The following BLK variants were observed in gnomAD, a reference collection of about 807,000 sequenced individuals.
BLK encodes the protein tyrosine-protein kinase Blk.
BLK carries 64 observed loss-of-function variants against 61.8 expected under a neutral mutation model. The observed-to-expected ratio is 1.03, with a 90% confidence interval of 0.85 to 1.27. BLK has a LOEUF of 1.27. Among genes scored for constraint, BLK ranks in the 50% most tolerant of loss-of-function variants. BLK has a pLI of 0.00. For synonymous variants in BLK, 351 were observed against 272.0 expected (o/e 1.29, Z -2.86); for missense variants, 853 against 660.5 (o/e 1.29, Z -3.19).
intron 6 of BLK, chr8:11,553,288 T>C (rs7812322): frequency 0.01 from 3,531 of 340,672 alleles, 49 homozygotes; most frequent in South Asian, 0.024. Flanking sequence ...GTTTCACAGC[T>C]CAAAGGCAGG....
At chr8:11,561,257 G>C in intron 10 of BLK, 45 bp from the exon 11 acceptor site, 2 of 1,596,608 alleles carry the variant, frequency 1.3e-6, no homozygotes, top group Non-Finnish European at 1.7e-6. Context: ...CGGTCTTGGC[G>C]TGGAGGCCCC....
rs114875483 is a variant in BLK, at chr8:11,513,337, G to T, written c.-2+18746G>T. 4.8e-3 allele frequency among the ~76,000 whole-genome samples: 734 copies of T among 152,318 alleles called. 3 individuals are homozygous for T. The highest frequency in any genetic ancestry group is 0.016 in the African/African-American group (659 of 41,560). On this transcript the variant is annotated intron_variant, in intron 1 of 12. Coordinates refer to ENST00000259089, the MANE Select transcript of BLK (RefSeq NM_001715.3). ...GCAATGAAGACCTTGGTGATTCGTG[G>T]ACCATAGTGGAGACTGAGAGGGAGT... is the stretch of plus-strand genomic sequence containing the variant.
intron 1 of BLK, among the ~76,000 whole-genome samples, chr8:11,518,007 T>G (rs562185906): frequency 2.0e-5 from 3 of 152,246 alleles, no homozygotes; most frequent in Non-Finnish European, 4.4e-5. Flanking sequence ...GGCTTTGCTT[T>G]GACCTCACTG....
chr8:11,535,919 G>A (rs2117404198), intron 1 of BLK, among the ~76,000 whole-genome samples: 1 of 152,296 alleles, frequency 6.6e-6, no homozygotes, highest in South Asian at 2.1e-4. Context: ...ACATTCTATA[G>A]GACTGGCCTT....
chr8:11,551,499 A>G (rs191134211), intron 6 of BLK, among the ~76,000 whole-genome samples: 1 of 152,314 alleles, frequency 6.6e-6, no homozygotes, highest in African/African-American at 2.4e-5. Context: ...CTCCACATAT[A>G]GCCACATTCT....
At chr8:11,506,750 C>G (rs1181559935) in intron 1 of BLK, among the ~76,000 whole-genome samples, 2 of 152,164 alleles carry the variant, frequency 1.3e-5, no homozygotes, top group Non-Finnish European at 2.9e-5. Flanking sequence ...ATGTCAGCCT[C>G]TGACCCTGGC....
At chr8:11,540,329 G>A (rs140795865) in intron 1 of BLK, among the ~76,000 whole-genome samples, 196 of 151,844 alleles carry the variant, frequency 1.3e-3, no homozygotes, top group African/African-American at 4.1e-3. Context: ...TTTCACATAC[G>A]CGATTCCTGT....
intron 1 of BLK, among the ~76,000 whole-genome samples, chr8:11,541,787 C>T (rs1800392021): frequency 1.3e-5 from 2 of 152,094 alleles, no homozygotes; most frequent in Admixed American, 6.5e-5. Flanking sequence ...TGTGAGCCAC[C>T]GTGCCCAGCC....
In BLK at chr8:11,548,079, C is replaced by A. The variant is rs149393791; in HGVS notation, c.223C>A (p.Arg75=). ...ALYDYTAMND[R]DLQMLKGEKL... ...GTATGACTACACCGCTATGAATGATCGGGACCTGCAGATGCTGAAGGGGGA... is the reference window on the plus strand; with the variant it reads ...GTATGACTACACCGCTATGAATGATAGGGACCTGCAGATGCTGAAGGGGGA... The change falls in exon 4 of 13, where the codon CGG becomes AGG. Residue 75 remains arginine, a synonymous_variant. Coordinates refer to ENST00000259089, the MANE Select transcript of BLK (RefSeq NM_001715.3). The A allele has an allele frequency of 6.2e-7, 1 of 1,613,960 alleles. No homozygotes were observed. The highest frequency in any genetic ancestry group is 8.5e-7 in the Non-Finnish European group (1 of 1,180,004).
At chr8:11,534,420 C>T (rs958314736) in intron 1 of BLK, among the ~76,000 whole-genome samples, 1 of 152,030 alleles carries the variant, frequency 6.6e-6, no homozygotes, top group South Asian at 2.1e-4. Flanking sequence ...AAAAAATTCA[C>T]TCACATAAAG....
chr8:11,539,560 G>T (rs921251436), intron 1 of BLK, among the ~76,000 whole-genome samples: 6 of 152,294 alleles, frequency 3.9e-5, no homozygotes, highest in South Asian at 2.1e-4. Context: ...GAGTGGGACT[G>T]AAAATCAAAA....
chr8:11,561,633 C>T (rs1652390720), intron 11 of BLK, among the ~76,000 whole-genome samples, 181 bp downstream of exon 11: 2 of 152,098 alleles, frequency 1.3e-5, no homozygotes, highest in Non-Finnish European at 2.9e-5. Flanking sequence ...AATGGTAGTG[C>T]CCTGAGACCT....
chr8:11,518,987 A>C (rs949854361), intron 1 of BLK, among the ~76,000 whole-genome samples: 4 of 152,032 alleles, frequency 2.6e-5, no homozygotes, highest in Non-Finnish European at 5.9e-5. Context: ...CTGTGCGATG[A>C]TTCTGTCCCG....
chr8:11,538,372 C>T (rs1488960432), intron 1 of BLK, among the ~76,000 whole-genome samples: 1 of 152,212 alleles, frequency 6.6e-6, no homozygotes, highest in East Asian at 1.9e-4. Context: ...TGTCCCATGG[C>T]CTCTTGAGGA....
chr8:11,496,328 C>G (rs1460109291), intron 1 of BLK, among the ~76,000 whole-genome samples: 1 of 152,172 alleles, frequency 6.6e-6, no homozygotes, highest in Non-Finnish European at 1.5e-5. Flanking sequence ...CAGCACTGAC[C>G]TCCTGGGCTC....
In BLK at chr8:11,554,909, G is replaced by A; in HGVS notation, c.619+20G>A. On this transcript the variant is annotated intron_variant, in intron 7 of 12. Coordinates refer to ENST00000259089, the MANE Select transcript of BLK (RefSeq NM_001715.3). ...ATTCTAGTAAGAGGGGGCGTGCAAT[G>A]GGGGCAGGGACTTGTGCCAAGAGCC... 1.2e-6 allele frequency: 2 copies of A among 1,609,546 alleles called. No individual in the cohort carries two copies. Among genetic ancestry groups the A allele is most frequent in the Non-Finnish European group, 1.7e-6 (2 of 1,179,808 alleles).
chr8:11,535,261 GAAGAAAGA>G (rs5889374), intron 1 of BLK, among the ~76,000 whole-genome samples: 6,960 of 110,410 alleles, frequency 0.063, 226 homozygotes, highest in African/African-American at 0.076. Flanking sequence ...AAGAAAGAAA[GAAGAAAGA>G]AAGAAAGAAA....
At position 11,554,756 on chromosome 8, in the gene BLK, G is replaced by A; in HGVS notation, c.486G>A (p.Leu162=). 6.2e-7 allele frequency: 1 copy of A among 1,613,740 alleles called. No homozygotes were observed. Among genetic ancestry groups the A allele is most frequent in the African/African-American group, 1.3e-5 (1 of 75,032 alleles). Reference sequence around the variant, plus strand: ...TGAACCCTCCAGGTGCCTTCTCCCTGTCTGTGAAGGATGTCACCACCCAGG... The same window carrying A: ...TGAACCCTCCAGGTGCCTTCTCCCTATCTGTGAAGGATGTCACCACCCAGG... ...ESETNKGAFS[L]SVKDVTTQGE... Residue 162 remains leucine (L), a synonymous_variant, in exon 7 of 13, where the codon CTG becomes CTA. Coordinates refer to ENST00000259089, the MANE Select transcript of BLK (RefSeq NM_001715.3).
chr8:11,524,476 AG>A (rs1382619417), intron 1 of BLK, among the ~76,000 whole-genome samples: 1 of 152,260 alleles, frequency 6.6e-6, no homozygotes, highest in East Asian at 1.9e-4. Flanking sequence ...AAGGATGAAA[AG>A]AATAATAACC....
Sources: allele counts gnomAD v4.1 joint callset (sites outside exome capture counted in the v4.1 genomes callset), GRCh38; gene constraint gnomAD v4.1.1; transcripts MANE v1.5; gene names NCBI Gene and HGNC (gene_info 2026-07-23, HGNC 2026-07-21).